CSMD1: variants seen among roughly 807,000 people sequenced by gnomAD.
The protein encoded by CSMD1 is CUB and Sushi multiple domains 1, also known as CUB and sushi domain-containing protein 1.
CSMD1 carries 213 observed loss-of-function variants against 417.5 expected under a neutral mutation model. That is an observed-to-expected ratio of 0.51 (90% CI 0.46 to 0.57). The LOEUF (loss-of-function observed/expected upper bound fraction) is 0.57. Among genes scored for constraint, CSMD1 ranks in the 20% least tolerant of loss-of-function variants. The pLI is 0.00. For missense variants in CSMD1, 6,923 were observed against 4,529.7 expected, an observed-to-expected ratio of 1.53 and a Z score of -15.17; for synonymous variants, 2,862 against 1,736.8, an observed-to-expected ratio of 1.65 and a Z score of -16.11.
chr8:4,155,053 G>C (rs1309794636), intron 3 of CSMD1, among the ~76,000 whole-genome samples: 6 of 152,174 alleles, frequency 3.9e-5, no homozygotes, highest in Non-Finnish European at 8.8e-5. Flanking sequence ...TGCAGAATTT[G>C]TCCTGTTCCA....
intron 10 of CSMD1, among the ~76,000 whole-genome samples, chr8:3,511,466 T>C (rs1335260872): frequency 6.6e-6 from 1 of 151,764 alleles, no homozygotes; most frequent in Non-Finnish European, 1.5e-5. Context: ...ACTCAAAATC[T>C]GTGGCCAGCC....
chr8:3,848,550 T>G (rs1033822230), intron 5 of CSMD1, among the ~76,000 whole-genome samples: 1 of 152,230 alleles, frequency 6.6e-6, no homozygotes, highest in Non-Finnish European at 1.5e-5. Flanking sequence ...CAATACCACT[T>G]TAATTTCACC....
At chr8:4,017,680 C>T (rs1394552118) in intron 4 of CSMD1, among the ~76,000 whole-genome samples, 3 of 151,446 alleles carry the variant, frequency 2.0e-5, no homozygotes, top group African/African-American at 2.4e-5. Context: ...TTTTCAAATT[C>T]GACTTCAAAA....
At chr8:3,785,271 C>G (rs558718927) in intron 5 of CSMD1, among the ~76,000 whole-genome samples, 14 of 152,334 alleles carry the variant, frequency 9.2e-5, no homozygotes, top group African/African-American at 3.4e-4. Flanking sequence ...TCAAAGCAAG[C>G]ACGACAGAAG....
intron 11 of CSMD1, among the ~76,000 whole-genome samples, chr8:3,489,303 G>T (rs1032669692): frequency 1.3e-5 from 2 of 152,168 alleles, no homozygotes; most frequent in Non-Finnish European, 2.9e-5. Context: ...TTAGGCAGAG[G>T]CTACCCTACT....
At chr8:4,919,219 T>G (rs1262529411) in intron 1 of CSMD1, among the ~76,000 whole-genome samples, 1 of 152,194 alleles carries the variant, frequency 6.6e-6, no homozygotes, top group Non-Finnish European at 1.5e-5. Context: ...CACTTTGTAA[T>G]TTAGTCATAG....
intron 3 of CSMD1, among the ~76,000 whole-genome samples, chr8:4,128,370 G>A (rs1802889929): frequency 6.6e-6 from 1 of 152,152 alleles, no homozygotes; most frequent in African/African-American, 2.4e-5. Flanking sequence ...TTATGTGGAT[G>A]GTAAACAGTA....
intron 3 of CSMD1, among the ~76,000 whole-genome samples, chr8:4,366,210 T>G (rs751561732): frequency 6.6e-6 from 1 of 152,244 alleles, no homozygotes; most frequent in South Asian, 2.1e-4. Context: ...TCACTTAGGA[T>G]AATGGTCTTC....
At chr8:3,605,379 A>G (rs543645736) in intron 8 of CSMD1, among the ~76,000 whole-genome samples, 2 of 152,226 alleles carry the variant, frequency 1.3e-5, no homozygotes, top group African/African-American at 4.8e-5. Flanking sequence ...TCATGTAACA[A>G]GAGACAGGTG....
chr8:4,518,458 T>A (rs1262846137), intron 2 of CSMD1, among the ~76,000 whole-genome samples: 4 of 152,112 alleles, frequency 2.6e-5, no homozygotes, highest in Non-Finnish European at 4.4e-5. Context: ...GTGATATCCT[T>A]TACTGAGATG....
At chr8:3,162,395 C>T (rs1819953419) in intron 37 of CSMD1, 118 bp from the exon 38 acceptor site, 1 of 677,034 alleles carries the variant, frequency 1.5e-6, no homozygotes, top group South Asian at 1.8e-5. Flanking sequence ...AAGACTTCAA[C>T]TCTTTCTCTT....
rs186184382 is a variant in CSMD1, at chr8:4,226,049, G to C, written c.415+193904C>G. On this transcript the variant is annotated intron_variant, in intron 3 of 69. Transcript: ENST00000635120. ...TTTTACCTACTCAAGTAAGCTGGAA[G>C]GTTAGAGCTGACAGGCGGACACACA... is the stretch of plus-strand genomic sequence containing the variant. Among the ~76,000 whole-genome samples, 7 of 146,984 alleles carry C rather than the reference G, an allele frequency of 4.8e-5. No homozygotes were observed. The East Asian group carries it at 1.4e-3, about 30-fold the overall frequency.
intron 3 of CSMD1, among the ~76,000 whole-genome samples, chr8:4,295,507 A>C (rs1420130839): frequency 1.4e-5 from 2 of 144,392 alleles, no homozygotes; most frequent in Non-Finnish European, 3.0e-5. Flanking sequence ...TATCTTATAC[A>C]CATATAATCT....
chr8:3,797,099 ACATT>A (rs1800194671), intron 5 of CSMD1, among the ~76,000 whole-genome samples: 1 of 151,926 alleles, frequency 6.6e-6, no homozygotes, highest in Non-Finnish European at 1.5e-5. Flanking sequence ...TAATGGGTGA[ACATT>A]TAAAACATAA....
At chr8:3,904,307 C>G (rs1193607164) in intron 5 of CSMD1, among the ~76,000 whole-genome samples, 4 of 152,278 alleles carry the variant, frequency 2.6e-5, no homozygotes, top group African/African-American at 9.6e-5. Context: ...CCCTTTCTTT[C>G]ATCCCAACAT....
At chr8:3,145,582 A>T (rs1818792489) in intron 40 of CSMD1, among the ~76,000 whole-genome samples, 1 of 152,230 alleles carries the variant, frequency 6.6e-6, no homozygotes, top group Admixed American at 6.5e-5. Flanking sequence ...AGCAGGATAA[A>T]TTATACAGCC....
intron 3 of CSMD1, among the ~76,000 whole-genome samples, chr8:4,397,175 T>C (rs1804296308): frequency 6.6e-6 from 1 of 152,204 alleles, no homozygotes; most frequent in South Asian, 2.1e-4. Flanking sequence ...TGCATGATGA[T>C]CAACATGTAT....
chr8:3,204,829 T>C (rs898494319), intron 31 of CSMD1, among the ~76,000 whole-genome samples: 2 of 152,232 alleles, frequency 1.3e-5, no homozygotes, highest in Non-Finnish European at 2.9e-5. Context: ...TGATGACAGC[T>C]ACTATCTGGT....
intron 5 of CSMD1, among the ~76,000 whole-genome samples, chr8:3,902,153 C>A (rs1039828033): frequency 6.6e-6 from 1 of 152,162 alleles, no homozygotes; most frequent in Non-Finnish European, 1.5e-5. Context: ...TCTTCAAGCA[C>A]TGTAGCAACA....
Sources: allele counts gnomAD v4.1 joint callset (sites outside exome capture counted in the v4.1 genomes callset), GRCh38; gene constraint gnomAD v4.1.1; transcripts MANE v1.5; gene names NCBI Gene and HGNC (gene_info 2026-07-23, HGNC 2026-07-21).